The following SNX14 variants were observed in gnomAD, a reference collection of about 807,000 sequenced individuals.
SNX14 encodes sorting nexin 14, also known as sorting nexin-14.
SNX14 carries 93 observed loss-of-function variants against 133.8 expected under a neutral mutation model. That is an observed-to-expected ratio of 0.70 (90% CI 0.59 to 0.83). The LOEUF is 0.83. Among genes scored for constraint, SNX14 ranks in the 40% least tolerant of loss-of-function variants. The pLI, the probability that SNX14 is intolerant of heterozygous loss-of-function variation, is 0.00. For missense variants in SNX14, 945 were observed against 1,094.9 expected, an observed-to-expected ratio of 0.86 and a Z score of 1.93; for synonymous variants, 368 against 365.6, an observed-to-expected ratio of 1.01 and a Z score of -0.07.
intron 16 of SNX14, among the ~76,000 whole-genome samples, chr6:85,537,783 T>C (rs1424765123): frequency 1.3e-5 from 2 of 152,128 alleles, no homozygotes; most frequent in African/African-American, 4.8e-5. Context: ...ACTGCGTCTG[T>C]ACTAAAAATA....
intron 12 of SNX14, among the ~76,000 whole-genome samples, chr6:85,544,175 C>G (rs2128078821): frequency 6.6e-6 from 1 of 152,244 alleles, no homozygotes; most frequent in South Asian, 2.1e-4. Context: ...ATGAACGCTG[C>G]AAACTAGTGG....
chr6:85,530,112 T>TA (rs1779752583), intron 19 of SNX14, 80 bp downstream of exon 19: 3 of 806,442 alleles, frequency 3.7e-6, no homozygotes, highest in South Asian at 3.4e-5. Context: ...TTACTTAAAA[T>TA]AAAAAAATTA....
At chr6:85,592,853 A>T (rs1318931258) in intron 1 of SNX14, among the ~76,000 whole-genome samples, 1 of 150,970 alleles carries the variant, frequency 6.6e-6, no homozygotes, top group Non-Finnish European at 1.5e-5. Flanking sequence ...ATACAAAAAA[A>T]TTAGCGTGGT....
intron 23 of SNX14, 101 bp from the exon 24 acceptor site, chr6:85,514,730 T>G: frequency 8.2e-7 from 1 of 1,212,128 alleles, no homozygotes; most frequent in South Asian, 1.5e-5. Context: ...CATTTAAACT[T>G]TTTCCAATCA....
Position 85,538,867 on chromosome 6 carries a change from G to A in SNX14, c.1449-3C>T, listed in dbSNP as rs1782737582. Reference sequence around the variant, plus strand: ...AATCATCCAAACTTAGGCTACCTCTGCAATAACAGGTATGTGAAATAATAT... The same window carrying A: ...AATCATCCAAACTTAGGCTACCTCTACAATAACAGGTATGTGAAATAATAT... On this transcript the variant is annotated splice_region_variant and splice_polypyrimidine_tract_variant and intron_variant, in intron 15 of 28. Coordinates refer to ENST00000314673, the MANE Select transcript of SNX14 (RefSeq NM_153816.6). 6 of 1,593,704 alleles carry A rather than the reference G, an allele frequency of 3.8e-6. 1 individual carries two copies. The highest frequency in any genetic ancestry group is 1.8e-5 in the Admixed American group (1 of 56,106).
intron 1 of SNX14, chr6:85,581,301 T>G (rs1420667034): frequency 2.0e-5 from 3 of 152,210 alleles, no homozygotes; most frequent in African/African-American, 7.2e-5. Context: ...TACCCCTTAA[T>G]GCAAATATGG....
chr6:85,555,343 T>C (rs924352702), intron 7 of SNX14, among the ~76,000 whole-genome samples: 1 of 152,232 alleles, frequency 6.6e-6, no homozygotes, highest in East Asian at 1.9e-4. Flanking sequence ...TGTCCTTCAA[T>C]TGGTGAATGG....
chr6:85,508,210 T>C (rs1771417074), intron 26 of SNX14, 151 bp from the exon 27 acceptor site: 8 of 1,332,252 alleles, frequency 6.0e-6, no homozygotes, highest in Non-Finnish European at 6.7e-6. Flanking sequence ...TATAAGAGGC[T>C]CCTGGATAAG....
chr6:85,534,758 T>C (rs1420767293), intron 17 of SNX14, among the ~76,000 whole-genome samples: 2 of 151,916 alleles, frequency 1.3e-5, no homozygotes, highest in Non-Finnish European at 2.9e-5. Flanking sequence ...TTAAATACTT[T>C]TGTTATAATA....
intron 7 of SNX14, among the ~76,000 whole-genome samples, chr6:85,555,681 C>T (rs1420602583): frequency 6.6e-6 from 1 of 152,098 alleles, no homozygotes; most frequent in East Asian, 1.9e-4. Flanking sequence ...CCATAGAATG[C>T]ACAATGTAAA....
chr6:85,563,727 T>C (rs1792665059), intron 6 of SNX14, among the ~76,000 whole-genome samples: 1 of 152,084 alleles, frequency 6.6e-6, no homozygotes, highest in African/African-American at 2.4e-5. Context: ...TCATAATCAT[T>C]GCCATTTACT....
chr6:85,561,434 C>G (rs1791570037), intron 6 of SNX14: 1 of 151,836 alleles, frequency 6.6e-6, no homozygotes. Context: ...ATATGGCAAT[C>G]AAAATTAATT....
intron 20 of SNX14, among the ~76,000 whole-genome samples, chr6:85,527,206 G>A (rs572982945): frequency 7.9e-5 from 12 of 152,052 alleles, no homozygotes; most frequent in Non-Finnish European, 1.8e-4. Flanking sequence ...CATATTACAA[G>A]AAAATATTTC....
chr6:85,528,134 A>G, intron 20 of SNX14, 128 bp downstream of exon 20: 1 of 551,620 alleles, frequency 1.8e-6, no homozygotes, highest in Admixed American at 3.5e-5. Context: ...AAGGAAAAAT[A>G]TTTTCTAAAT....
In SNX14 at chr6:85,572,127, A is replaced by T; in HGVS notation, c.417+10T>A. On this transcript the variant is annotated intron_variant, in intron 4 of 28. Coordinates refer to ENST00000314673, the MANE Select transcript of SNX14 (RefSeq NM_153816.6). Reference sequence around the variant, plus strand: ...CATTTTCTGTTAATAATATTAATTAAATCAGTTACCTCTGAGAGAGATGCA... The same window carrying T: ...CATTTTCTGTTAATAATATTAATTATATCAGTTACCTCTGAGAGAGATGCA... 1 of 1,601,146 alleles carries T rather than the reference A, an allele frequency of 6.2e-7. No homozygotes were observed. The highest frequency in any genetic ancestry group is 8.5e-7 in the Non-Finnish European group (1 of 1,175,084).
At chr6:85,589,204 T>C (rs1388036494) in intron 1 of SNX14, 1 of 177,538 alleles carries the variant, frequency 5.6e-6, no homozygotes, top group Non-Finnish European at 1.2e-5. Context: ...TTGTCTACTG[T>C]CAATTTGTGT....
chr6:85,573,217 C>T (rs1436377930), intron 2 of SNX14, among the ~76,000 whole-genome samples: 4 of 152,160 alleles, frequency 2.6e-5, no homozygotes, highest in East Asian at 1.9e-4. Context: ...CAGTGGCTCA[C>T]GCCTGTAATC....
rs1243496775 is a variant in SNX14, at chr6:85,543,279, A to C, written c.1292T>G (p.Val431Gly). ...AAGACATCTCATAGTTTGAAGTTTC[A>C]CAACATCTATGTATGGGCCTTCAGC... ...RIAEGPYIDV[V>G]KLQTMRCLFE... is the part of the protein sequence containing the mutation. The change falls in exon 14 of 29, where the codon GTG becomes GGG. Residue 431 changes from valine (V) to glycine (G), a missense_variant. Transcript: ENST00000314673. 1 of 1,593,816 alleles carries C rather than the reference A, an allele frequency of 6.3e-7. No homozygotes were observed. Among genetic ancestry groups the C allele is most frequent in the Non-Finnish European group, 8.5e-7 (1 of 1,173,088 alleles).
chr6:85,541,987 G>A lies in SNX14; in HGVS notation c.1446C>T (p.Asn482=). Residue 482 remains asparagine (N), a splice_region_variant and synonymous_variant, in exon 15 of 29, where the codon AAC becomes AAT. Coordinates refer to ENST00000314673, the MANE Select transcript of SNX14 (RefSeq NM_153816.6). ...CAAAAACAAAACATACAACCTACCTGTTCAATTTTGAATTGCGTGTTGGTG... is the reference window on the plus strand; with the variant it reads ...CAAAAACAAAACATACAACCTACCTATTCAATTTTGAATTGCGTGTTGGTG... ...AESPTRNSKL[N]RGSLSLDDFR... The A allele has an allele frequency of 1.9e-6, 3 of 1,594,206 alleles. No homozygotes were observed. Among genetic ancestry groups the A allele is most frequent in the Non-Finnish European group, 2.6e-6 (3 of 1,171,504 alleles).
Sources: gnomAD v4.1 joint callset for allele counts (sites outside exome capture counted in the v4.1 genomes callset) on GRCh38, gnomAD v4.1.1 for gene constraint, MANE v1.5 for transcripts, NCBI Gene and HGNC (gene_info 2026-07-23, HGNC 2026-07-21) for gene names.